Variants in HOXC4 observed in about 807,000 individuals in gnomAD.
HOXC4 encodes the protein homeobox protein Hox-C4.
In HOXC4, 15 loss-of-function variants were observed where a neutral mutation model predicts 25.5. The ratio of observed to expected loss-of-function variants is 0.59; its 90% CI spans 0.39 to 0.91. The LOEUF (loss-of-function observed/expected upper bound fraction) is 0.91, where lower values mean the gene tolerates loss of function less well. Among genes scored for constraint, HOXC4 ranks in the 40% least tolerant of loss-of-function variants. The probability of loss-of-function intolerance (pLI) is 0.00; values close to 1 mark genes in which losing one functional copy is unlikely to be tolerated. For missense variants in HOXC4, 342 were observed against 352.4 expected, an observed-to-expected ratio of 0.97 and a Z score of 0.24; for synonymous variants, 165 against 148.0, an observed-to-expected ratio of 1.11 and a Z score of -0.83.
At chr12:54,027,490 A>C (rs1020479716) in intron 1 of HOXC4, among the ~76,000 whole-genome samples, 1 of 152,210 alleles carries the variant, frequency 6.6e-6, no homozygotes, top group African/African-American at 2.4e-5. Context: ...CTGGCTCCAA[A>C]TAATAAATTC....
At chr12:54,052,574 G>A (rs1464680878), upstream of HOXC4, among the ~76,000 whole-genome samples, 14 of 150,544 alleles carry the variant, frequency 9.3e-5, no homozygotes, top group Admixed American at 8.5e-4. Flanking sequence ...CTAGCTGGGG[G>A]GGGGGGGTGG....
At chr12:54,029,645 G>A in intron 1 of HOXC4, 2 of 1,608,426 alleles carry the variant, frequency 1.2e-6, no homozygotes, top group Non-Finnish European at 1.7e-6. Context: ...TTTTGTGCCC[G>A]GATCTTTAGG....
chr12:54,053,670 A>C (rs1257278101), upstream of HOXC4, among the ~76,000 whole-genome samples: 1 of 152,150 alleles, frequency 6.6e-6, no homozygotes, highest in Non-Finnish European at 1.5e-5. Context: ...GGGGCACTCC[A>C]ACCTCTGCTA....
At chr12:54,018,938 C>T (rs1196005518) in intron 1 of HOXC4, among the ~76,000 whole-genome samples, 2 of 152,088 alleles carry the variant, frequency 1.3e-5, no homozygotes, top group Admixed American at 6.5e-5. Flanking sequence ...CCTGACCCGT[C>T]GCCTGTGGGG....
At chr12:54,043,918 CTG>C (rs71444829) in intron 1 of HOXC4, among the ~76,000 whole-genome samples, 10,039 of 127,096 alleles carry the variant, frequency 0.079, 368 homozygotes, top group Middle Eastern at 0.12. Flanking sequence ...AAAACACAGG[CTG>C]TGTGTGTGTG....
At chr12:54,046,438 A>C (rs1314131478) in intron 1 of HOXC4, among the ~76,000 whole-genome samples, 1 of 152,084 alleles carries the variant, frequency 6.6e-6, no homozygotes, top group Non-Finnish European at 1.5e-5. Flanking sequence ...GGGGTGTCGT[A>C]GGTCAGGGGA....
At chr12:54,020,013 C>T (rs772029252) in intron 1 of HOXC4, 9 of 152,258 alleles carry the variant, frequency 5.9e-5, no homozygotes, top group African/African-American at 2.2e-4. Context: ...GACTCCAACA[C>T]CAACTCTCTG....
At chr12:54,047,584 C>G (rs1937746523) in intron 1 of HOXC4, among the ~76,000 whole-genome samples, 1 of 152,226 alleles carries the variant, frequency 6.6e-6, no homozygotes, top group African/African-American at 2.4e-5. Context: ...GGAAATCAAT[C>G]ACGTAATTAA....
chr12:54,029,049 G>A lies in HOXC4; in HGVS notation c.-124+11635G>A, dbSNP rs1232697853. 6 of 903,182 alleles carry A rather than the reference G, an allele frequency of 6.6e-6. No homozygotes were observed. The East Asian group carries it at 1.3e-4, about 20-fold the overall frequency. 55.9% of individuals were successfully genotyped at this position (903,182 alleles called of 1,614,324 possible). A position where few individuals can be genotyped will look rare whatever the true frequency, so the allele number is the denominator to read the frequency against. On this transcript the variant is annotated intron_variant, in intron 1 of 3. Transcript: ENST00000303406. ...AAACAATCACGCTCGTCTCCTCACC[G>A]AGACAGGGCCCCCTCTTCTGCCCCC...
At chr12:54,030,049 G>A in intron 1 of HOXC4, 2 of 1,268,180 alleles carry the variant, frequency 1.6e-6, no homozygotes, top group East Asian at 5.1e-5. Flanking sequence ...ATTTATCACT[G>A]GCACAATTGA....
intron 1 of HOXC4, among the ~76,000 whole-genome samples, chr12:54,018,293 C>G (rs909869467): frequency 3.9e-5 from 6 of 152,218 alleles, no homozygotes; most frequent in Non-Finnish European, 7.3e-5. Flanking sequence ...CCCACTGGAC[C>G]GGGATGCCCG....
At chr12:54,048,952 C>T (rs538949878), upstream of HOXC4, among the ~76,000 whole-genome samples, 3 of 152,298 alleles carry the variant, frequency 2.0e-5, no homozygotes, top group African/African-American at 7.2e-5. Context: ...AAGGTTCCTG[C>T]ATCCACACAT....
At chr12:54,027,593 G>C (rs980403090) in intron 1 of HOXC4, among the ~76,000 whole-genome samples, 1 of 151,940 alleles carries the variant, frequency 6.6e-6, no homozygotes, top group Non-Finnish European at 1.5e-5. Flanking sequence ...TTCCCCCTCC[G>C]GTGCCACCTC....
Position 54,054,962 on chromosome 12 carries a change from GAGA to G in HOXC4, c.555_557del (p.Arg186del). ...ATTACAACCGCTACCTGACCCGAAG[GAGA>G]AGGATCGAGATCGCCCACTCGCTGT... On this transcript the variant is annotated inframe_deletion, in exon 2 of 2. Transcript: ENST00000430889. 1 of 1,614,118 alleles carries G rather than the reference GAGA, an allele frequency of 6.2e-7. No homozygotes were observed. The highest frequency in any genetic ancestry group is 8.5e-7 in the Non-Finnish European group (1 of 1,180,022).
At chr12:54,053,514 C>T (rs1412806651), upstream of HOXC4, 1 of 184,224 alleles carries the variant, frequency 5.4e-6, no homozygotes, top group African/African-American at 2.4e-5. Context: ...CCCACGGGGC[C>T]CAGCAGAGGC....
At chr12:54,030,546 A>G (rs1940947324) in intron 1 of HOXC4, 1 of 152,680 alleles carries the variant, frequency 6.5e-6, no homozygotes, top group African/African-American at 2.4e-5. Flanking sequence ...GGCATTTTAC[A>G]AACTGTGACC....
intron 1 of HOXC4, chr12:54,033,277 C>G (rs759659836): frequency 4.6e-5 from 74 of 1,614,098 alleles, no homozygotes; most frequent in Non-Finnish European, 5.5e-5. Flanking sequence ...TTCCCACCGC[C>G]TGCGCCTTCC....
At chr12:54,050,732 TTGTAAATGA>T (rs1937824967), upstream of HOXC4, among the ~76,000 whole-genome samples, 1 of 152,212 alleles carries the variant, frequency 6.6e-6, no homozygotes, top group Non-Finnish European at 1.5e-5. Flanking sequence ...TGTTGTTGTT[TTGTAAATGA>T]TGTAGATGAG....
rs146212887 is a variant in HOXC4 at position 54,048,736 on chromosome 12, C to T, written c.-123-4424C>T. On this transcript the variant is annotated intron_variant, in intron 1 of 3. Coordinates refer to the HOXC4 transcript ENST00000303406. ...CAGAGGCCAAGAACAGATTAAGGCA[C>T]TTTGAGATACCCTCATAAACTCTTA... Among the ~76,000 whole-genome samples, 1,215 of 152,280 alleles carry T rather than the reference C, an allele frequency of 8.0e-3. 18 individuals carry two copies. The highest frequency in any genetic ancestry group is 0.027 in the African/African-American group (1,125 of 41,554).
Sources: gnomAD v4.1 joint callset for allele counts (sites outside exome capture counted in the v4.1 genomes callset) on GRCh38, gnomAD v4.1.1 for gene constraint, MANE v1.5 for transcripts, NCBI Gene and HGNC (gene_info 2026-07-23, HGNC 2026-07-21) for gene names.